The following LRRFIP1 variants were observed in gnomAD, a reference collection of about 807,000 sequenced individuals.
LRRFIP1 encodes the protein LRR binding FLII interacting protein 1.
LRRFIP1 carries 62 observed loss-of-function variants against 104.4 expected under a neutral mutation model. The observed-to-expected ratio is 0.59, with a 90% CI of 0.48 to 0.73. LRRFIP1 has a LOEUF of 0.73. Ranked by LOEUF, LRRFIP1 falls within the 30% of genes least tolerant of loss-of-function variation. The pLI, the probability that LRRFIP1 is intolerant of heterozygous loss-of-function variation, is 0.00. For missense variants in LRRFIP1, 796 were observed against 824.5 expected (o/e 0.97, Z 0.42); for synonymous variants, 300 against 299.0 (o/e 1.00, Z -0.03).
At chr2:237,745,396 T>C (rs2057703275) in intron 11 of LRRFIP1, among the ~76,000 whole-genome samples, 1 of 152,218 alleles carries the variant, frequency 6.6e-6, no homozygotes. Flanking sequence ...CTCTGCATGG[T>C]CTCTACTTAA....
At chr2:237,684,703 G>C (rs1389488722) in intron 1 of LRRFIP1, among the ~76,000 whole-genome samples, 1 of 152,054 alleles carries the variant, frequency 6.6e-6, no homozygotes, top group Non-Finnish European at 1.5e-5. Flanking sequence ...CAGAGTTTGT[G>C]CCTGTAAGAC....
intron 6 of LRRFIP1, 141 bp from the exon 7 acceptor site, chr2:237,723,407 A>G: frequency 2.6e-6 from 2 of 773,668 alleles, no homozygotes; most frequent in East Asian, 5.3e-5. Flanking sequence ...AATACATATT[A>G]GATCCTAGAA....
At chr2:237,736,992 G>A (rs993434213) in intron 10 of LRRFIP1, among the ~76,000 whole-genome samples, 6 of 152,164 alleles carry the variant, frequency 3.9e-5, no homozygotes, top group Admixed American at 1.3e-4. Context: ...TGTCCAGAGC[G>A]GCCCCGGCGC....
intron 1 of LRRFIP1, among the ~76,000 whole-genome samples, chr2:237,645,995 T>G (rs36126637): frequency 0.13 from 19,622 of 151,936 alleles, 1,970 homozygotes; most frequent in Non-Finnish European, 0.2. Flanking sequence ...GCTCTGTTCC[T>G]CGCCGTGGGG....
chr2:237,772,803 T>A, intron 21 of LRRFIP1, 63 bp from the exon 22 acceptor site: 2 of 1,105,350 alleles, frequency 1.8e-6, no homozygotes, highest in Non-Finnish European at 2.8e-6. Context: ...TCCCAGTAAC[T>A]ATTGTTTTAA....
At chr2:237,701,495 C>T (rs62194193) in intron 1 of LRRFIP1, among the ~76,000 whole-genome samples, 174 of 152,242 alleles carry the variant, frequency 1.1e-3, no homozygotes, top group Non-Finnish European at 2.0e-3. Flanking sequence ...CTCCTTGTGT[C>T]CTGGTCAATA....
At chr2:237,746,407 T>G (rs2057861916) in intron 11 of LRRFIP1, among the ~76,000 whole-genome samples, 1 of 152,140 alleles carries the variant, frequency 6.6e-6, no homozygotes, top group Non-Finnish European at 1.5e-5. Flanking sequence ...TCTTTCCATG[T>G]GAAGTTGAGA....
At chr2:237,764,528 G>A in intron 19 of LRRFIP1, 1 of 1,068,710 alleles carries the variant, frequency 9.4e-7, no homozygotes, top group Non-Finnish European at 1.1e-6. Context: ...AGCATTCTTA[G>A]ACTTCTGTAT....
intron 11 of LRRFIP1, among the ~76,000 whole-genome samples, chr2:237,746,152 G>A (rs935257935): frequency 2.7e-5 from 4 of 150,834 alleles, no homozygotes; most frequent in Admixed American, 2.0e-4. Flanking sequence ...TCTACCTCCT[G>A]GGTTCAAGAG....
At chr2:237,640,718 G>A (rs1171085462) in intron 1 of LRRFIP1, among the ~76,000 whole-genome samples, 1 of 152,190 alleles carries the variant, frequency 6.6e-6, no homozygotes, top group Admixed American at 6.6e-5. Flanking sequence ...TGCTGCCTCA[G>A]CCCTGGGCCT....
At chr2:237,779,026 A>T (rs2061330461) in intron 23 of LRRFIP1, among the ~76,000 whole-genome samples, 1 of 152,184 alleles carries the variant, frequency 6.6e-6, no homozygotes, top group African/African-American at 2.4e-5. Flanking sequence ...GATCGAGACC[A>T]TCCTGGCCAA....
In LRRFIP1 at chr2:237,773,952, C is replaced by G. The variant is rs150634350; in HGVS notation, c.1708-406C>G. ...AAGCCGCCTCCTTTCACTCCTCGCC[C>G]TGTCCTTTCCTCCTCCCACCCCCGC... is the stretch of plus-strand genomic sequence containing the variant. On this transcript the variant is annotated intron_variant, in intron 22 of 23. Transcript: ENST00000308482. The G allele has an allele frequency of 3.9e-3, 658 of 169,496 alleles. 7 individuals carry two copies. Among genetic ancestry groups the G allele is most frequent in the African/African-American group, 0.015 (633 of 41,998 alleles). The allele number at this position is 169,496 out of a possible 1,614,324, so 10.5% of individuals were successfully genotyped here.
intron 19 of LRRFIP1, chr2:237,765,653 CT>C (rs1226385605): frequency 1.0e-6 from 1 of 971,872 alleles, no homozygotes; most frequent in Non-Finnish European, 1.2e-6. Context: ...CTGGAAAATT[CT>C]TGTTTTGATC....
intron 1 of LRRFIP1, among the ~76,000 whole-genome samples, chr2:237,668,123 G>A (rs1423072441): frequency 6.6e-6 from 1 of 152,024 alleles, no homozygotes; most frequent in Non-Finnish European, 1.5e-5. Flanking sequence ...AGAGCTGCCT[G>A]AGCCGGGGCT....
intron 1 of LRRFIP1, among the ~76,000 whole-genome samples, chr2:237,686,687 C>T (rs1369974899): frequency 6.6e-6 from 1 of 152,258 alleles, no homozygotes; most frequent in Non-Finnish European, 1.5e-5. Flanking sequence ...GGCACTGGAG[C>T]TGTTGTGGAT....
At chr2:237,727,425 A>G (rs1002236305) in intron 7 of LRRFIP1, among the ~76,000 whole-genome samples, 2 of 152,088 alleles carry the variant, frequency 1.3e-5, no homozygotes, top group African/African-American at 4.8e-5. Flanking sequence ...ACAATGTGCC[A>G]TAATTTTCAA....
intron 10 of LRRFIP1, among the ~76,000 whole-genome samples, chr2:237,738,621 G>A (rs190834544): frequency 2.2e-4 from 33 of 152,302 alleles, no homozygotes; most frequent in African/African-American, 7.5e-4. Context: ...AAGTTACAAG[G>A]GCGTAGCTTC....
At chr2:237,631,708 A>G (rs34977057) in intron 1 of LRRFIP1, among the ~76,000 whole-genome samples, 63,966 of 152,076 alleles carry the variant, frequency 0.42, 13,745 homozygotes, top group Non-Finnish European at 0.45. Context: ...AGCACTCTGC[A>G]GCTGAGTAAA....
In LRRFIP1 at chr2:237,673,506, G is replaced by A. The variant is rs1575361901; in HGVS notation, c.97-35038G>A. On this transcript the variant is annotated intron_variant, in intron 1 of 23. Coordinates refer to ENST00000308482, the MANE Select transcript of LRRFIP1 (RefSeq NM_001137550.2). ...TCCAGTGCCGCGCGTGGCGTGGGGC[G>A]TGGCGTGGGGTGGTTCCTCACAGTT... is the stretch of plus-strand genomic sequence containing the variant. 3.3e-5 allele frequency among the ~76,000 whole-genome samples: 5 copies of A among 152,338 alleles called. No individual in the cohort carries two copies. The South Asian group carries it at 1.0e-3, about 32-fold the overall frequency.
Sources: allele counts gnomAD v4.1 joint callset (sites outside exome capture counted in the v4.1 genomes callset), GRCh38; gene constraint gnomAD v4.1.1; transcripts MANE v1.5; gene names NCBI Gene and HGNC (gene_info 2026-07-23, HGNC 2026-07-21).